Variants in ADGRL3 observed in about 807,000 individuals in gnomAD.
ADGRL3 encodes the protein calcium-independent alpha-latrotoxin receptor 3.
Under a neutral mutation model 153.5 loss-of-function variants are expected in ADGRL3, and 62 were observed. The observed-to-expected ratio is 0.40, with a 90% CI of 0.33 to 0.50. The LOEUF is 0.50. Among genes scored for constraint, ADGRL3 ranks in the 20% least tolerant of loss-of-function variants. ADGRL3 has a pLI of 0.47. For synonymous variants in ADGRL3, 710 were observed against 672.5 expected, an observed-to-expected ratio of 1.06 and a Z score of -0.86; for missense variants, 1,641 against 1,859.4, an observed-to-expected ratio of 0.88 and a Z score of 2.16.
At chr4:61,917,916 A>T (rs1049303842) in intron 13 of ADGRL3, among the ~76,000 whole-genome samples, 3 of 152,194 alleles carry the variant, frequency 2.0e-5, no homozygotes, top group Admixed American at 6.5e-5. Context: ...TTCAAGGCCC[A>T]GATTCTGATA....
chr4:61,748,418 A>C (rs2096703809), intron 8 of ADGRL3, among the ~76,000 whole-genome samples: 1 of 151,236 alleles, frequency 6.6e-6, no homozygotes, highest in Non-Finnish European at 1.5e-5. Flanking sequence ...CCTAAGCCAA[A>C]AGAACAAAGC....
rs576790088 is a variant in ADGRL3 at position 61,200,520 on chromosome 4, C to T, written c.-1485C>T. Among the ~76,000 whole-genome samples the T allele has an allele frequency of 6.6e-6, 1 of 151,824 alleles. No homozygotes were observed. The highest frequency in any genetic ancestry group is 2.4e-5 in the African/African-American group (1 of 41,442). On this transcript the variant is annotated 5_prime_UTR_variant, in exon 1 of 27. Coordinates refer to ENST00000683033, the MANE Select transcript of ADGRL3 (RefSeq NM_001387552.1). ...GGGTGGGCGCCGCCGCCGCCGCCGC[C>T]GCCGCTGCTGCTGGTTTTTCTCGGA...
intron 4 of ADGRL3, among the ~76,000 whole-genome samples, chr4:61,538,343 A>G (rs999292729): frequency 2.6e-5 from 4 of 152,174 alleles, no homozygotes; most frequent in Admixed American, 2.0e-4. Flanking sequence ...TTGACACACC[A>G]TCTTCTGCGG....
chr4:61,883,721 G>T (rs2149501948), intron 9 of ADGRL3, among the ~76,000 whole-genome samples: 1 of 152,120 alleles, frequency 6.6e-6, no homozygotes, highest in African/African-American at 2.4e-5. Context: ...GTTGGGATGT[G>T]CCTAACCATT....
At chr4:61,557,645 C>A (rs965508308) in intron 4 of ADGRL3, among the ~76,000 whole-genome samples, 3 of 152,128 alleles carry the variant, frequency 2.0e-5, no homozygotes, top group Admixed American at 6.5e-5. Context: ...CTCTTTAATG[C>A]TAAAGTGCTT....
intron 2 of ADGRL3, among the ~76,000 whole-genome samples, chr4:61,456,390 G>GAT (rs2097742845): frequency 1.0e-5 from 1 of 99,170 alleles, no homozygotes; most frequent in Non-Finnish European, 2.1e-5. Flanking sequence ...TATATATATA[G>GAT]ATATATCTAT....
At chr4:61,529,467 T>G (rs2098598635) in intron 4 of ADGRL3, among the ~76,000 whole-genome samples, 1 of 152,168 alleles carries the variant, frequency 6.6e-6, no homozygotes, top group African/African-American at 2.4e-5. Context: ...TAGTGTCTTC[T>G]TTCACTCCCA....
At chr4:61,356,469 T>A (rs1414667781) in intron 1 of ADGRL3, among the ~76,000 whole-genome samples, 1 of 152,084 alleles carries the variant, frequency 6.6e-6, no homozygotes, top group Non-Finnish European at 1.5e-5. Flanking sequence ...AAAAAATTAG[T>A]TATCTAATGA....
intron 5 of ADGRL3, among the ~76,000 whole-genome samples, chr4:61,660,397 A>G (rs2094560644): frequency 2.6e-5 from 4 of 152,216 alleles, no homozygotes; most frequent in Admixed American, 2.0e-4. Context: ...CTTTTTCTTA[A>G]AGCATATATG....
At chr4:61,428,881 TATCTATCTATATC>T (rs142682896) in intron 2 of ADGRL3, among the ~76,000 whole-genome samples, 17,508 of 113,938 alleles carry the variant, frequency 0.15, 1,196 homozygotes, top group Middle Eastern at 0.23. Context: ...CTATATCATC[TATCTATCTATATC>T]ATCTATCTAT....
chr4:61,645,892 G>C (rs1357504895), intron 5 of ADGRL3, among the ~76,000 whole-genome samples: 1 of 152,132 alleles, frequency 6.6e-6, no homozygotes, highest in Non-Finnish European at 1.5e-5. Context: ...TTCCAACTTG[G>C]TTCCATTCTC....
chr4:61,400,168 A>G (rs2096912770), intron 2 of ADGRL3, among the ~76,000 whole-genome samples: 2 of 151,728 alleles, frequency 1.3e-5, no homozygotes, highest in South Asian at 2.1e-4. Context: ...GATTTTGCCT[A>G]TGTTATTTGC....
chr4:62,069,478 A>G (rs1222370484), intron 26 of ADGRL3, among the ~76,000 whole-genome samples: 1 of 152,076 alleles, frequency 6.6e-6, no homozygotes, highest in Non-Finnish European at 1.5e-5. Context: ...TGTGCCATTT[A>G]TCTGACTAAA....
rs558567676 is a variant in ADGRL3 at position 61,619,290 on chromosome 4, A to G, written c.473+31850A>G. Among the ~76,000 whole-genome samples, 260 of 152,194 alleles carry G rather than the reference A, an allele frequency of 1.7e-3. 2 individuals are homozygous for G. Among genetic ancestry groups the G allele is most frequent in the African/African-American group, 5.8e-3 (242 of 41,524 alleles). ...CCTCATGGATGTCCTTGTTTTGTCT[A>G]CTTTTTTAAATTGTAATCTTTCATG... is the stretch of plus-strand genomic sequence containing the variant. On this transcript the variant is annotated intron_variant, in intron 5 of 26. Transcript: ENST00000683033.
intron 9 of ADGRL3, among the ~76,000 whole-genome samples, chr4:61,868,460 C>A (rs2098416284): frequency 6.6e-6 from 1 of 152,118 alleles, no homozygotes. Context: ...ATTTTCTGAG[C>A]CCCAGTTATG....
chr4:61,520,812 A>G (rs978651678), intron 4 of ADGRL3, among the ~76,000 whole-genome samples: 1 of 150,782 alleles, frequency 6.6e-6, no homozygotes, highest in African/African-American at 2.4e-5. Flanking sequence ...ACACCCAGGG[A>G]TTTTTTTTTC....
chr4:61,530,979 C>G (rs1049638866), intron 4 of ADGRL3, among the ~76,000 whole-genome samples: 1 of 151,982 alleles, frequency 6.6e-6, no homozygotes, highest in African/African-American at 2.4e-5. Context: ...CATATATTTG[C>G]CAGAGTTCTT....
intron 8 of ADGRL3, among the ~76,000 whole-genome samples, chr4:61,797,729 A>T (rs2097431766): frequency 2.3e-5 from 1 of 43,288 alleles, no homozygotes; most frequent in African/African-American, 8.9e-5. Flanking sequence ...ACCCAACAAC[A>T]TATTTTCTTT....
chr4:61,863,298 C>T (rs1202049455), intron 9 of ADGRL3, among the ~76,000 whole-genome samples: 3 of 121,556 alleles, frequency 2.5e-5, no homozygotes, highest in Non-Finnish European at 4.7e-5. Flanking sequence ...AGTGCAGTGG[C>T]GGGATCTCGG....
Sources: allele counts gnomAD v4.1 joint callset (sites outside exome capture counted in the v4.1 genomes callset), GRCh38; gene constraint gnomAD v4.1.1; transcripts MANE v1.5; gene names NCBI Gene and HGNC (gene_info 2026-07-23, HGNC 2026-07-21).